The following CCDC43 variants were observed in gnomAD, a reference collection of about 807,000 sequenced individuals.
The protein encoded by CCDC43 is coiled-coil domain containing 43.
CCDC43 carries 20 observed loss-of-function variants against 33.3 expected under a neutral mutation model. The observed-to-expected ratio is 0.60, with a 90% confidence interval of 0.42 to 0.87. The LOEUF (loss-of-function observed/expected upper bound fraction) is 0.87. Among genes scored for constraint, CCDC43 ranks in the 40% least tolerant of loss-of-function variants. The pLI is 0.00. For synonymous variants in CCDC43, 104 were observed against 106.5 expected (o/e 0.98, Z 0.14); for missense variants, 248 against 269.9 (o/e 0.92, Z 0.57).
At chr17:44,681,958 T>C in intron 3 of CCDC43, 45 bp downstream of exon 3, 1 of 1,611,924 alleles carries the variant, frequency 6.2e-7, no homozygotes, top group Non-Finnish European at 8.5e-7. Context: ...CAAATATGTC[T>C]GGCTTGAGCT....
chr17:44,683,780 A>G, intron 2 of CCDC43, 92 bp downstream of exon 2: 2 of 851,912 alleles, frequency 2.3e-6, no homozygotes, highest in African/African-American at 1.7e-5. Context: ...TGAGCATCCA[A>G]GGGGAAAATG....
chr17:44,680,770 T>C, intron 3 of CCDC43, 127 bp from the exon 4 acceptor site: 1 of 678,864 alleles, frequency 1.5e-6, no homozygotes, highest in South Asian at 1.8e-5. Flanking sequence ...GATATGGCGA[T>C]AAACCCAGGA....
At chr17:44,684,928 G>A (rs1486333656) in intron 1 of CCDC43, among the ~76,000 whole-genome samples, 1 of 151,962 alleles carries the variant, frequency 6.6e-6, no homozygotes, top group Non-Finnish European at 1.5e-5. Flanking sequence ...CTGCAAGCAT[G>A]TACTACCACA....
intron 2 of CCDC43, among the ~76,000 whole-genome samples, chr17:44,682,734 T>C (rs1025124197): frequency 1.3e-5 from 2 of 151,996 alleles, no homozygotes; most frequent in Admixed American, 6.6e-5. Context: ...CGGGCGCCTG[T>C]AGTCCCAGCT....
At chr17:44,681,203 G>A (rs1385436993) in intron 3 of CCDC43, among the ~76,000 whole-genome samples, 3 of 152,142 alleles carry the variant, frequency 2.0e-5, no homozygotes, top group Non-Finnish European at 4.4e-5. Flanking sequence ...CTTTGGGAGG[G>A]TGAGGCAGGC....
Position 44,677,504 on chromosome 17 carries a change from T to C in CCDC43, c.*1352A>G, listed in dbSNP as rs895749361. 6 of 152,046 alleles carry C rather than the reference T, an allele frequency of 3.9e-5. No individual in the cohort carries two copies. The highest frequency in any genetic ancestry group is 9.7e-5 in the African/African-American group (4 of 41,428). 9.4% of individuals were successfully genotyped at this position (152,046 alleles called of 1,614,324 possible). On this transcript the variant is annotated 3_prime_UTR_variant, in exon 5 of 5. Coordinates refer to ENST00000315286, the MANE Select transcript of CCDC43 (RefSeq NM_144609.3). ...TTTATTTTTTGCAATGCCACAGTTA[T>C]AGGAGTGTATGAAGAGGTAACATGT...
intron 3 of CCDC43, 84 bp from the exon 4 acceptor site, chr17:44,680,727 A>G (rs1183907364): frequency 2.1e-6 from 2 of 967,950 alleles, no homozygotes; most frequent in Non-Finnish European, 3.3e-6. Context: ...TAAGTAGGAA[A>G]AGCACACTGA....
Position 44,678,764 on chromosome 17 carries a change from A to T in CCDC43, c.*92T>A. ...AACAATAGGGGAAATGCCTTGGGAA[A>T]CTACTTTGCAATGCACTCTCATTTC... On this transcript the variant is annotated 3_prime_UTR_variant, in exon 5 of 5. Coordinates refer to ENST00000315286, the MANE Select transcript of CCDC43 (RefSeq NM_144609.3). The T allele has an allele frequency of 7.9e-7, 1 of 1,273,080 alleles. No homozygotes were observed. The highest frequency in any genetic ancestry group is 1.6e-5 in the South Asian group (1 of 62,100). 78.9% of individuals were successfully genotyped at this position (1,273,080 alleles called of 1,614,324 possible).
intron 2 of CCDC43, among the ~76,000 whole-genome samples, chr17:44,682,584 G>A (rs535793373): frequency 5.9e-5 from 9 of 152,244 alleles, no homozygotes; most frequent in South Asian, 2.1e-4. Context: ...TTGGCCGGGC[G>A]CGGTGGCTCA....
Position 44,678,823 on chromosome 17 carries a change from G to A in CCDC43, c.*33C>T, listed in dbSNP as rs368573987. On this transcript the variant is annotated 3_prime_UTR_variant, in exon 5 of 5. Transcript: ENST00000315286. ...ACACAACCAGTTCTCCCTTTGATAA[G>A]TTCATGGGGGGAAAGAATAGAGTAG... is the stretch of plus-strand genomic sequence containing the variant. The A allele has an allele frequency of 4.5e-5, 71 of 1,594,234 alleles. 1 individual carries two copies. Among genetic ancestry groups the A allele is most frequent in the Middle Eastern group, 1.7e-4 (1 of 6,008 alleles).
At chr17:44,682,159 G>A (rs1025790257) in intron 2 of CCDC43, 21 bp from the exon 3 acceptor site, 5 of 1,613,602 alleles carry the variant, frequency 3.1e-6, no homozygotes, top group African/African-American at 2.7e-5. Flanking sequence ...GTGGAAGGAA[G>A]AACAAGGTTG....
chr17:44,687,478 A>G lies in CCDC43; in HGVS notation c.204+2072T>C, dbSNP rs998222223. Among the ~76,000 whole-genome samples the G allele has an allele frequency of 2.0e-5, 3 of 152,076 alleles. No homozygotes were observed. The East Asian group carries it at 5.8e-4, about 29-fold the overall frequency. On this transcript the variant is annotated intron_variant, in intron 1 of 4. Coordinates refer to ENST00000315286, the MANE Select transcript of CCDC43 (RefSeq NM_144609.3). ...ACATAAAAAAAAAAGTTAGCCAGGC[A>G]TGATATGTGATGGCAGGTGCCTGTA...
intron 3 of CCDC43, among the ~76,000 whole-genome samples, chr17:44,680,935 T>C (rs1185973868): frequency 1.3e-5 from 2 of 152,168 alleles, no homozygotes; most frequent in South Asian, 2.1e-4. Flanking sequence ...CAAAGTGTGG[T>C]TCACAAAACC....
intron 1 of CCDC43, among the ~76,000 whole-genome samples, chr17:44,684,899 G>C (rs1972212323): frequency 6.6e-6 from 1 of 152,024 alleles, no homozygotes; most frequent in Non-Finnish European, 1.5e-5. Context: ...TCCTGCCTCA[G>C]CCTCTCAAGT....
chr17:44,689,455 C>G (rs1007029532), intron 1 of CCDC43, 95 bp downstream of exon 1: 1 of 1,540,754 alleles, frequency 6.5e-7, no homozygotes, highest in African/African-American at 1.4e-5. Flanking sequence ...GACCACTGAG[C>G]CTCTGGGATA....
chr17:44,687,479 T>A (rs1972256135), intron 1 of CCDC43, among the ~76,000 whole-genome samples: 2 of 151,776 alleles, frequency 1.3e-5, no homozygotes, highest in Non-Finnish European at 2.9e-5. Flanking sequence ...TAGCCAGGCA[T>A]GATATGTGAT....
chr17:44,689,692 C>T lies in CCDC43; in HGVS notation c.62G>A (p.Gly21Asp), dbSNP rs571125561. 13 of 1,606,312 alleles carry T rather than the reference C, an allele frequency of 8.1e-6. No homozygotes were observed. The highest frequency in any genetic ancestry group is 5.1e-5 in the Admixed American group (3 of 58,552). Residue 21 changes from glycine (G) to aspartate (D), a missense_variant, in exon 1 of 5, where the codon GGC becomes GAC. By Grantham distance (94) the Gly-to-Asp change is moderately conservative. Coordinates refer to ENST00000315286, the MANE Select transcript of CCDC43 (RefSeq NM_144609.3). ...CCGTCCGTCCAGCCAGGAGCCAAAG[C>T]CGCCGCCTCCGCCATCGCCTTCGCC... ...APGEGDGGGG[G>D]FGSWLDGRLE...
intron 4 of CCDC43, among the ~76,000 whole-genome samples, chr17:44,679,542 T>C (rs1598733217): frequency 1.3e-5 from 2 of 152,332 alleles, no homozygotes; most frequent in East Asian, 1.9e-4. Flanking sequence ...CCTAGACTAC[T>C]AAAGCTGAAG....
rs1156583441 is a variant in CCDC43 at position 44,680,617 on chromosome 17, C to T, written c.455G>A (p.Gly152Asp). 1 of 1,608,728 alleles carries T rather than the reference C, an allele frequency of 6.2e-7. No homozygotes were observed. Among genetic ancestry groups the T allele is most frequent in the Admixed American group, 1.7e-5 (1 of 59,968 alleles). Residue 152 changes from glycine (G) to aspartate (D), a missense_variant, in exon 4 of 5, where the codon GGT (glycine) becomes GAT (aspartate). By Grantham distance (94) the Gly-to-Asp change is moderately conservative. Transcript: ENST00000315286. ...EDEADEKDDS[G>D]ATTMNIGSDK... ...AGAACCAATGTTCATTGTGGTAGCA[C>T]CTGAATCATCCTTCTCATCTGCTTC...
Sources: gnomAD v4.1 joint callset for allele counts (sites outside exome capture counted in the v4.1 genomes callset) on GRCh38, gnomAD v4.1.1 for gene constraint, MANE v1.5 for transcripts, NCBI Gene and HGNC (gene_info 2026-07-23, HGNC 2026-07-21) for gene names.